TUSC3: variants seen among roughly 807,000 people sequenced by gnomAD.
TUSC3 encodes the protein dolichyl-diphosphooligosaccharide--protein glycosyltransferase subunit TUSC3.
Under a neutral mutation model 44.8 loss-of-function variants are expected in TUSC3, and 45 were observed. The observed-to-expected ratio is 1.00, with a 90% CI of 0.79 to 1.29. The LOEUF is 1.29. Ranked by LOEUF, TUSC3 falls within the 50% of genes most tolerant of loss-of-function variation. The pLI is 0.00. For synonymous variants in TUSC3, 212 were observed against 152.9 expected (o/e 1.39, Z -2.85); for missense variants, 519 against 437.9 (o/e 1.19, Z -1.65).
intron 1 of TUSC3, among the ~76,000 whole-genome samples, chr8:15,459,656 A>G (rs1245391901): frequency 6.6e-6 from 1 of 151,938 alleles, no homozygotes; most frequent in Non-Finnish European, 1.5e-5. Flanking sequence ...AATCCATTGT[A>G]TCATTTTTAT....
intron 1 of TUSC3, among the ~76,000 whole-genome samples, chr8:15,445,877 C>T (rs1473512021): frequency 1.3e-5 from 2 of 151,874 alleles, no homozygotes; most frequent in African/African-American, 4.8e-5. Context: ...CAGAGGGGCT[C>T]CTCACTTCCC....
intron 1 of TUSC3, among the ~76,000 whole-genome samples, chr8:15,418,668 G>A: frequency 6.6e-6 from 1 of 152,164 alleles, no homozygotes; most frequent in East Asian, 1.9e-4. Flanking sequence ...TTAAGACGAA[G>A]AGCTCAATGC....
At chr8:15,478,751 T>C (rs1800617691) in intron 1 of TUSC3, among the ~76,000 whole-genome samples, 5 of 152,198 alleles carry the variant, frequency 3.3e-5, no homozygotes, top group Admixed American at 3.3e-4. Context: ...TATGTGTGCA[T>C]GTATCTTTAT....
chr8:15,812,483 T>A, the TUSC3 span, among the ~76,000 whole-genome samples: 1 of 149,442 alleles, frequency 6.7e-6, no homozygotes, highest in Non-Finnish European at 1.5e-5. Flanking sequence ...AGATATACAC[T>A]TGTTACTGCT....
At chr8:15,542,949 G>C (rs1801738236) in intron 1 of TUSC3, among the ~76,000 whole-genome samples, 1 of 152,172 alleles carries the variant, frequency 6.6e-6, no homozygotes, top group Non-Finnish European at 1.5e-5. Flanking sequence ...AATACTTGGT[G>C]TTCTGATACT....
intron 6 of TUSC3, among the ~76,000 whole-genome samples, chr8:15,724,883 C>G (rs142668095): frequency 2.0e-5 from 3 of 152,232 alleles, no homozygotes; most frequent in African/African-American, 7.2e-5. Context: ...GATAATCACC[C>G]ATGTTTCCTC....
chr8:15,614,342 T>C (rs1488209349), intron 1 of TUSC3, among the ~76,000 whole-genome samples: 1 of 152,152 alleles, frequency 6.6e-6, no homozygotes, highest in Non-Finnish European at 1.5e-5. Context: ...AAGTGTATGA[T>C]TAAATGACTT....
At chr8:15,621,317 T>C (rs1805234023) in intron 1 of TUSC3, among the ~76,000 whole-genome samples, 1 of 151,424 alleles carries the variant, frequency 6.6e-6, no homozygotes, top group Non-Finnish European at 1.5e-5. Flanking sequence ...GCAAAAACTA[T>C]TAAATGGTGC....
chr8:15,713,857 C>T (rs547841182), intron 6 of TUSC3, among the ~76,000 whole-genome samples: 1 of 152,082 alleles, frequency 6.6e-6, no homozygotes, highest in African/African-American at 2.4e-5. Flanking sequence ...TCAATTCAGC[C>T]TCTAACAGAG....
intron 6 of TUSC3, among the ~76,000 whole-genome samples, chr8:15,718,281 T>C (rs982539430): frequency 3.9e-5 from 6 of 152,108 alleles, no homozygotes; most frequent in African/African-American, 1.4e-4. Flanking sequence ...CAGTAGAGAA[T>C]AGGAAATGCC....
chr8:15,462,095 C>A (rs910898090), intron 1 of TUSC3, among the ~76,000 whole-genome samples: 18 of 151,992 alleles, frequency 1.2e-4, no homozygotes, highest in African/African-American at 4.3e-4. Flanking sequence ...TGTTTAGCAG[C>A]CAGGAGAGAA....
At chr8:15,749,410 T>C (rs554897766) in intron 9 of TUSC3, among the ~76,000 whole-genome samples, 3 of 152,216 alleles carry the variant, frequency 2.0e-5, no homozygotes, top group Non-Finnish European at 4.4e-5. Context: ...GGGATTATAA[T>C]ACAAGAATAA....
At chr8:15,831,973 G>A in the TUSC3 span, among the ~76,000 whole-genome samples, 1 of 152,188 alleles carries the variant, frequency 6.6e-6, no homozygotes, top group East Asian at 1.9e-4. Flanking sequence ...AGAAGATTAT[G>A]CCCAAGACAC....
chr8:15,492,362 C>T (rs1356135656), intron 2 of TUSC3, among the ~76,000 whole-genome samples: 1 of 152,152 alleles, frequency 6.6e-6, no homozygotes, highest in African/African-American at 2.4e-5. Flanking sequence ...GTATTAATAT[C>T]ATTCCCACTT....
At chr8:15,611,665 T>C (rs1480852716) in intron 1 of TUSC3, among the ~76,000 whole-genome samples, 1 of 152,150 alleles carries the variant, frequency 6.6e-6, no homozygotes, top group Non-Finnish European at 1.5e-5. Flanking sequence ...TGTATTTGTT[T>C]AATTTACTGT....
the TUSC3 span, among the ~76,000 whole-genome samples, chr8:15,833,926 T>G: frequency 1.3e-5 from 2 of 152,182 alleles, no homozygotes; most frequent in South Asian, 2.1e-4. Context: ...GAACGTTTAC[T>G]GATCAGTTCA....
intron 1 of TUSC3, among the ~76,000 whole-genome samples, chr8:15,591,935 C>T (rs1015739914): frequency 2.0e-5 from 3 of 152,132 alleles, no homozygotes; most frequent in Admixed American, 2.0e-4. Context: ...AATTACTCTT[C>T]CACTAATGCA....
At chr8:15,585,232 T>C (rs1803547170) in intron 1 of TUSC3, among the ~76,000 whole-genome samples, 1 of 152,184 alleles carries the variant, frequency 6.6e-6, no homozygotes, top group Non-Finnish European at 1.5e-5. Context: ...CAGAGTTCAC[T>C]TTTAGATCCA....
At chr8:15,438,846 G>A (rs1293155295) in intron 1 of TUSC3, among the ~76,000 whole-genome samples, 2 of 152,156 alleles carry the variant, frequency 1.3e-5, no homozygotes, top group Non-Finnish European at 2.9e-5. Context: ...GAGTGAATAT[G>A]CAGAGCCCTG....
Sources: gnomAD v4.1 joint callset for allele counts (sites outside exome capture counted in the v4.1 genomes callset) on GRCh38, gnomAD v4.1.1 for gene constraint, MANE v1.5 for transcripts, NCBI Gene and HGNC (gene_info 2026-07-23, HGNC 2026-07-21) for gene names.